Variants in CFH observed in about 807,000 individuals in gnomAD.
CFH encodes the protein complement factor H.
CFH carries 53 observed loss-of-function variants against 147.3 expected under a neutral mutation model. That is an observed-to-expected ratio of 0.36 (90% CI 0.29 to 0.45). The LOEUF is 0.45. CFH is among the 20% of genes least tolerant of loss of function. The pLI is 1.00. For missense variants in CFH, 1,380 were observed against 1,498.0 expected (o/e 0.92, Z 1.30); for synonymous variants, 536 against 489.4 (o/e 1.10, Z -1.26).
At chr1:196,715,839 G>T in intron 11 of CFH, 70 bp downstream of exon 11, 1 of 1,280,992 alleles carries the variant, frequency 7.8e-7, no homozygotes, top group Non-Finnish European at 1.1e-6. Context: ...TTAAAAATTT[G>T]AATTATATAG....
intron 5 of CFH, chr1:196,679,384 A>T: frequency 5.5e-6 from 2 of 366,472 alleles, no homozygotes; most frequent in East Asian, 5.4e-5. Context: ...ACTGGTCACT[A>T]TTTATTTCAA....
chr1:196,677,764 A>G (rs544280097), intron 5 of CFH, 97 bp downstream of exon 5: 18 of 1,158,260 alleles, frequency 1.6e-5, no homozygotes, highest in East Asian at 1.2e-4. Context: ...AATATTAACA[A>G]TAGCTAATGT....
At position 196,673,840 on chromosome 1, in the gene CFH, T is replaced by A. The variant is rs775088366; in HGVS notation, c.245-17T>A. On this transcript the variant is annotated splice_polypyrimidine_tract_variant and intron_variant, in intron 2 of 21. Transcript: ENST00000367429. ...TTGCTATTACATACTAATTCATAAC[T>A]TTTTTTTTCGTTTTAGAAAGGCCCT... 14 of 1,426,484 alleles carry A rather than the reference T, an allele frequency of 9.8e-6. No homozygotes were observed. The highest frequency in any genetic ancestry group is 1.8e-5 in the African/African-American group (1 of 55,300). The allele number at this position is 1,426,484 out of a possible 1,614,324, so 88.4% of individuals were successfully genotyped here.
At chr1:196,732,069 T>C (rs1324136709) in intron 15 of CFH, among the ~76,000 whole-genome samples, 2 of 152,080 alleles carry the variant, frequency 1.3e-5, no homozygotes, top group Non-Finnish European at 1.5e-5. Flanking sequence ...TTTTTGAATA[T>C]ATTTTCTGTA....
At chr1:196,742,341 A>G (rs1652836498) in intron 19 of CFH, among the ~76,000 whole-genome samples, 1 of 152,158 alleles carries the variant, frequency 6.6e-6, no homozygotes, top group Non-Finnish European at 1.5e-5. Flanking sequence ...GTGCCACTGC[A>G]CTCCACCCAG....
At chr1:196,703,063 G>A (rs892193784) in intron 9 of CFH, among the ~76,000 whole-genome samples, 1 of 152,206 alleles carries the variant, frequency 6.6e-6, no homozygotes, top group African/African-American at 2.4e-5. Context: ...ACATGTTTTT[G>A]TCTCAATTAG....
At chr1:196,707,298 A>T (rs1668612967) in intron 9 of CFH, among the ~76,000 whole-genome samples, 1 of 152,216 alleles carries the variant, frequency 6.6e-6, no homozygotes, top group African/African-American at 2.4e-5. Context: ...TTTACATGGG[A>T]GATCATTCTT....
chr1:196,663,893 G>T lies in CFH; in HGVS notation c.59-9085G>T, dbSNP rs753782845. On this transcript the variant is annotated intron_variant, in intron 1 of 21. Coordinates refer to ENST00000367429, the MANE Select transcript of CFH (RefSeq NM_000186.4). Reference sequence around the variant, plus strand: ...AATAAGGCTATCAAAAAGCAAGCTTGTGTCTTCCCCAAATGGTGAATGCCC... The same window carrying T: ...AATAAGGCTATCAAAAAGCAAGCTTTTGTCTTCCCCAAATGGTGAATGCCC... 2.0e-5 allele frequency among the ~76,000 whole-genome samples: 3 copies of T among 152,228 alleles called. No homozygotes were observed. The South Asian group carries it at 6.2e-4, about 32-fold the overall frequency.
chr1:196,745,341 T>G (rs1199102905), intron 20 of CFH, among the ~76,000 whole-genome samples: 3 of 152,144 alleles, frequency 2.0e-5, no homozygotes, highest in Non-Finnish European at 4.4e-5. Context: ...GTTTTTTGTT[T>G]TCAGTTTATT....
At chr1:196,733,134 G>A (rs1669318220) in intron 15 of CFH, among the ~76,000 whole-genome samples, 1 of 152,098 alleles carries the variant, frequency 6.6e-6, no homozygotes, top group East Asian at 1.9e-4. Context: ...GGATAAATCT[G>A]AATTTATCAT....
In CFH at chr1:196,679,750, T is replaced by A. The variant is rs778007445; in HGVS notation, c.747T>A (p.Ala249=). 6.2e-7 allele frequency: 1 copy of A among 1,611,846 alleles called. No homozygotes were observed. Among genetic ancestry groups the A allele is most frequent in the East Asian group, 2.2e-5 (1 of 44,754 alleles). ...ATGAATACAGTGAAAGAGGAGATGC[T>A]GTATGCACTGAATCTGGATGGCGTC... ...MGYEYSERGD[A]VCTESGWRPL... The change falls in exon 6 of 22, where the codon GCT becomes GCA. Residue 249 remains alanine (A), a synonymous_variant. Transcript: ENST00000367429.
At position 196,736,953 on chromosome 1, in the gene CFH, G is replaced by T; in HGVS notation, c.2543G>T (p.Gly848Val). The T allele has an allele frequency of 6.2e-7, 1 of 1,612,010 alleles. No individual in the cohort carries two copies. Among genetic ancestry groups the T allele is most frequent in the East Asian group, 2.2e-5 (1 of 44,690 alleles). The stretch of plus-strand genomic sequence containing the variant: ...CAAGAAAATTATCTAATTCAGGAAG[G>T]AGAAGAAATTACATGCAAAGATGGA... ...LCQENYLIQEGEEITCKDGRW... is the reference protein window; with the variant it reads ...LCQENYLIQEVEEITCKDGRW... Residue 848 changes from glycine to valine, a missense_variant, in exon 16 of 22, where the codon GGA becomes GTA. By Grantham distance (109) the Gly-to-Val change is moderately radical. Around this residue, in one of 4 missense-constraint regions of CFH, gnomAD observed 830 missense variants for 821.4 expected, o/e 1.01. Coordinates refer to ENST00000367429, the MANE Select transcript of CFH (RefSeq NM_000186.4).
At position 196,701,416 on chromosome 1, in the gene CFH, G is replaced by T. The variant is rs765709136; in HGVS notation, c.1336+11177G>T. 1.6e-5 allele frequency: 25 copies of T among 1,599,358 alleles called. No homozygotes were observed. The Middle Eastern group carries it at 8.3e-4, about 53-fold the overall frequency. Reference sequence around the variant, plus strand: ...TGGAACCAAGTTTGAGTCTTGCCAGGTCAATACTTGGGTCCTGAGTATGGT... The same window carrying T: ...TGGAACCAAGTTTGAGTCTTGCCAGTTCAATACTTGGGTCCTGAGTATGGT... On this transcript the variant is annotated intron_variant, in intron 9 of 21. Coordinates refer to ENST00000367429, the MANE Select transcript of CFH (RefSeq NM_000186.4).
chr1:196,699,149 C>T (rs1056875715), intron 9 of CFH, among the ~76,000 whole-genome samples: 10 of 152,170 alleles, frequency 6.6e-5, no homozygotes, highest in Middle Eastern at 3.4e-3. Context: ...TTTTCCTGAG[C>T]GATCATACAT....
At chr1:196,719,422 C>T (rs1668946723) in intron 11 of CFH, among the ~76,000 whole-genome samples, 2 of 151,870 alleles carry the variant, frequency 1.3e-5, no homozygotes, top group Admixed American at 1.3e-4. Context: ...CAGTGATTCT[C>T]ATTCAAGTGT....
intron 1 of CFH, among the ~76,000 whole-genome samples, chr1:196,653,355 A>G (rs141883318): frequency 4.6e-5 from 7 of 151,934 alleles, no homozygotes; most frequent in Admixed American, 2.6e-4. Flanking sequence ...TATAATTAGT[A>G]TTTTAAAATG....
At chr1:196,708,832 G>A (rs75049744) in intron 9 of CFH, among the ~76,000 whole-genome samples, 8 of 152,130 alleles carry the variant, frequency 5.3e-5, no homozygotes, top group African/African-American at 7.2e-5. Context: ...AAAAGGGACT[G>A]CCAGGCATAT....
chr1:196,735,608 A>T (rs1669382293), intron 15 of CFH, among the ~76,000 whole-genome samples: 1 of 152,098 alleles, frequency 6.6e-6, no homozygotes, highest in African/African-American at 2.4e-5. Flanking sequence ...AGAAAAAACA[A>T]ATAAAAAAAT....
At chr1:196,707,141 A>C (rs1426516572) in intron 9 of CFH, among the ~76,000 whole-genome samples, 3 of 152,150 alleles carry the variant, frequency 2.0e-5, no homozygotes, top group African/African-American at 7.2e-5. Context: ...GAAAAAACTC[A>C]AAAGATAAAT....
Sources: allele counts gnomAD v4.1 joint callset (sites outside exome capture counted in the v4.1 genomes callset), GRCh38; gene constraint gnomAD v4.1.1; regional missense constraint gnomAD v4.1.1; transcripts MANE v1.5; gene names NCBI Gene and HGNC (gene_info 2026-07-23, HGNC 2026-07-21).